JCHAIN: variants seen among roughly 807,000 people sequenced by gnomAD.
JCHAIN encodes the protein joining chain of multimeric IgA and IgM.
A neutral mutation model predicts 11.1 loss-of-function variants in JCHAIN; 5 were observed. The ratio of observed to expected loss-of-function variants is 0.45; its 90% CI spans 0.24 to 0.95. JCHAIN has a LOEUF of 0.95. Ranked by LOEUF, JCHAIN falls within the 40% of genes least tolerant of loss-of-function variation. JCHAIN has a pLI of 0.21. For missense variants in JCHAIN, 165 were observed against 192.7 expected (o/e 0.86, Z 0.85); for synonymous variants, 51 against 67.8 (o/e 0.75, Z 1.22).
intron 1 of JCHAIN, 103 bp downstream of exon 1, chr4:70,666,324 C>G: frequency 2.8e-6 from 2 of 723,438 alleles, no homozygotes; most frequent in South Asian, 3.7e-5. Flanking sequence ...AAGTAGCTGG[C>G]TAACTGGCCA....
chr4:70,658,357 T>A (rs1738995300), intron 2 of JCHAIN, among the ~76,000 whole-genome samples: 1 of 152,066 alleles, frequency 6.6e-6, no homozygotes, highest in African/African-American at 2.4e-5. Flanking sequence ...AAACCTCTAG[T>A]GTCTCTCCAC....
chr4:70,661,882 G>T (rs527934457), intron 2 of JCHAIN, among the ~76,000 whole-genome samples: 1 of 152,336 alleles, frequency 6.6e-6, no homozygotes, highest in South Asian at 2.1e-4. Context: ...GTAGCCCACT[G>T]ATTTTAGATT....
chr4:70,664,568 C>G (rs1739117611), intron 1 of JCHAIN, among the ~76,000 whole-genome samples: 1 of 152,016 alleles, frequency 6.6e-6, no homozygotes, highest in Admixed American at 6.6e-5. Flanking sequence ...TTCATAAGTT[C>G]CTAATGAATC....
At chr4:70,665,289 G>A (rs1577836805) in intron 1 of JCHAIN, among the ~76,000 whole-genome samples, 1 of 152,146 alleles carries the variant, frequency 6.6e-6, no homozygotes, top group South Asian at 2.1e-4. Flanking sequence ...GTCTCAACTG[G>A]CTCAACTGTA....
chr4:70,662,001 A>G, intron 2 of JCHAIN, 91 bp downstream of exon 2: 1 of 1,262,516 alleles, frequency 7.9e-7, no homozygotes, highest in East Asian at 2.3e-5. Flanking sequence ...AAAGGGGAGT[A>G]AAGAGGCAGG....
Position 70,657,291 on chromosome 4 carries a change from A to T in JCHAIN, c.189T>A (p.Ile63=), listed in dbSNP as rs181994126. Residue 63 remains isoleucine (I), a splice_region_variant and synonymous_variant, in exon 3 of 4, where the codon ATT becomes ATA. Coordinates refer to ENST00000254801, the MANE Select transcript of JCHAIN (RefSeq NM_144646.4). ...TATTCTCCCTGTTGTTCAGAGGAAC[A>T]CTAAAAGAAAAGAAAGAAAACAAAG... ...EDIVERNIRI[I]VPLNNRENIS... is the part of the protein sequence containing the mutation. 4.2e-5 allele frequency: 67 copies of T among 1,580,434 alleles called. No individual in the cohort carries two copies. The African/African-American group carries it at 7.6e-4, about 18-fold the overall frequency.
intron 2 of JCHAIN, 98 bp downstream of exon 2, chr4:70,661,994 G>C: frequency 3.5e-6 from 4 of 1,153,502 alleles, no homozygotes; most frequent in Non-Finnish European, 5.1e-6. Flanking sequence ...ACAGCAAAAA[G>C]GGGAGTAAAG....
At chr4:70,656,799 C>T (rs1199658479) in intron 3 of JCHAIN, among the ~76,000 whole-genome samples, 1 of 152,124 alleles carries the variant, frequency 6.6e-6, no homozygotes, top group East Asian at 1.9e-4. Flanking sequence ...GCAATTTCTA[C>T]TGTGTTAGGC....
chr4:70,665,910 A>G, intron 1 of JCHAIN: 1 of 327,902 alleles, frequency 3.0e-6, no homozygotes, highest in Non-Finnish European at 6.2e-6. Context: ...AAAGATCAGT[A>G]AACAAAATAA....
Position 70,656,148 on chromosome 4 carries a change from C to T in JCHAIN, c.*181G>A. On this transcript the variant is annotated 3_prime_UTR_variant, in exon 4 of 4. Transcript: ENST00000254801. ...TGAACATATAATTAAGAAGTGATTACCTAATAAAGATAACAATGTGACTAT... is the reference window on the plus strand; with the variant it reads ...TGAACATATAATTAAGAAGTGATTATCTAATAAAGATAACAATGTGACTAT... 1 of 591,384 alleles carries T rather than the reference C, an allele frequency of 1.7e-6. No individual in the cohort carries two copies. Among genetic ancestry groups the T allele is most frequent in the Non-Finnish European group, 3.0e-6 (1 of 331,134 alleles). The allele number at this position is 591,384 out of a possible 1,614,324, so 36.6% of individuals were successfully genotyped here. A position where few individuals can be genotyped will look rare whatever the true frequency, so the allele number is the denominator to read the frequency against.
At chr4:70,665,617 T>C (rs1308656286) in intron 1 of JCHAIN, among the ~76,000 whole-genome samples, 2 of 152,032 alleles carry the variant, frequency 1.3e-5, no homozygotes, top group Non-Finnish European at 2.9e-5. Flanking sequence ...CCATTATATA[T>C]ATCATATATT....
At chr4:70,657,713 T>C (rs1738975988) in intron 2 of JCHAIN, among the ~76,000 whole-genome samples, 1 of 152,186 alleles carries the variant, frequency 6.6e-6, no homozygotes, top group South Asian at 2.1e-4. Context: ...CTGGGCTATG[T>C]AAGTTCCTTG....
At chr4:70,662,849 C>T (rs111394384) in intron 1 of JCHAIN, among the ~76,000 whole-genome samples, 12,051 of 151,838 alleles carry the variant, frequency 0.079, 776 homozygotes, top group African/African-American at 0.18. Flanking sequence ...GTCCCAGCTA[C>T]TCAAGAGTCT....
intron 3 of JCHAIN, 123 bp downstream of exon 3, chr4:70,657,088 T>C: frequency 1.9e-6 from 1 of 516,474 alleles, no homozygotes; most frequent in Non-Finnish European, 3.5e-6. Context: ...ATTCAAAAGT[T>C]CAGATTATGT....
intron 1 of JCHAIN, among the ~76,000 whole-genome samples, chr4:70,662,628 G>A (rs1283533834): frequency 6.6e-6 from 1 of 152,000 alleles, no homozygotes; most frequent in South Asian, 2.1e-4. Context: ...GATTATCATA[G>A]TACATGATTC....
intron 2 of JCHAIN, among the ~76,000 whole-genome samples, chr4:70,660,964 G>A (rs1739043713): frequency 6.6e-6 from 1 of 152,146 alleles, no homozygotes; most frequent in Admixed American, 6.5e-5. Context: ...TATGAGTTAA[G>A]CATGATTTTT....
chr4:70,664,660 G>A (rs1254137280), intron 1 of JCHAIN, among the ~76,000 whole-genome samples: 4 of 152,156 alleles, frequency 2.6e-5, no homozygotes, highest in African/African-American at 9.7e-5. Flanking sequence ...TCTGAAAGAG[G>A]TAAAATGACT....
Position 70,656,272 on chromosome 4 carries a change from G to T in JCHAIN, c.*57C>A. 2.5e-6 allele frequency: 3 copies of T among 1,192,538 alleles called. No homozygotes were observed. The highest frequency in any genetic ancestry group is 3.7e-6 in the Non-Finnish European group (3 of 816,706). 73.9% of individuals were successfully genotyped at this position (1,192,538 alleles called of 1,614,324 possible). On this transcript the variant is annotated 3_prime_UTR_variant, in exon 4 of 4. Coordinates refer to ENST00000254801, the MANE Select transcript of JCHAIN (RefSeq NM_144646.4). The stretch of plus-strand genomic sequence containing the variant: ...TTGGTAATAAATATGCTAACTTTCT[G>T]AATCAAAATGGAGAGCCTCTCAAGA...
chr4:70,662,172 C>T lies in JCHAIN; in HGVS notation c.108G>A (p.Lys36=). 1 of 1,613,446 alleles carries T rather than the reference C, an allele frequency of 6.2e-7. No homozygotes were observed. The highest frequency in any genetic ancestry group is 8.5e-7 in the Non-Finnish European group (1 of 1,179,378). ...ERIVLVDNKC[K]CARITSRIIR... The stretch of plus-strand genomic sequence containing the variant: ...TGATCCTGGAAGTAATCCGGGCACA[C>T]TTACATTTGTTGTCAACAAGAACAA... The change falls in exon 2 of 4, where the codon AAG becomes AAA. Residue 36 remains lysine (K), a synonymous_variant. Transcript: ENST00000254801.
Sources: gnomAD v4.1 joint callset for allele counts (sites outside exome capture counted in the v4.1 genomes callset) on GRCh38, gnomAD v4.1.1 for gene constraint, MANE v1.5 for transcripts, NCBI Gene and HGNC (gene_info 2026-07-23, HGNC 2026-07-21) for gene names.